The following KDM5A variants were observed in gnomAD, a reference collection of about 807,000 sequenced individuals.
KDM5A encodes lysine-specific demethylase 5A.
KDM5A carries 42 observed loss-of-function variants against 193.5 expected under a neutral mutation model. The observed-to-expected ratio is 0.22, with a 90% CI of 0.17 to 0.28. The LOEUF (loss-of-function observed/expected upper bound fraction) is 0.28. Ranked by LOEUF, KDM5A falls within the 10% of genes least tolerant of loss-of-function variation. KDM5A has a pLI of 1.00. For synonymous variants in KDM5A, 796 were observed against 718.1 expected, an observed-to-expected ratio of 1.11 and a Z score of -1.73; for missense variants, 1,692 against 2,055.1, an observed-to-expected ratio of 0.82 and a Z score of 3.42.
In KDM5A at chr12:350,601, A is replaced by G. The variant is rs181641485; in HGVS notation, c.1308+20T>C. On this transcript the variant is annotated intron_variant, in intron 10 of 27. Transcript: ENST00000399788. ...GCTAAATCAGCTTGGGGGTAAGCAA[A>G]AGTTTGGATAAATCTGCACCTCTTC... 2.5e-6 allele frequency: 4 copies of G among 1,613,832 alleles called. No individual in the cohort carries two copies. In the Admixed American group the frequency reaches 6.7e-5, roughly 27 times the overall value.
intron 24 of KDM5A, among the ~76,000 whole-genome samples, chr12:304,889 A>G (rs1943486134): frequency 6.6e-6 from 1 of 152,214 alleles, no homozygotes; most frequent in Admixed American, 6.5e-5. Context: ...AAGGCCTCTA[A>G]CTAGGGTAAA....
intron 24 of KDM5A, among the ~76,000 whole-genome samples, chr12:303,756 A>T (rs1390200465): frequency 6.7e-6 from 1 of 150,126 alleles, no homozygotes; most frequent in Non-Finnish European, 1.5e-5. Flanking sequence ...TAGATGTGAC[A>T]GCCTAAGGAC....
At chr12:289,341 A>C (rs1190180829) in intron 27 of KDM5A, among the ~76,000 whole-genome samples, 1 of 152,164 alleles carries the variant, frequency 6.6e-6, no homozygotes, top group Non-Finnish European at 1.5e-5. Context: ...TTCAGAGACA[A>C]AAAGATTCTG....
In KDM5A at chr12:334,547, T is replaced by G. The variant is rs141679032; in HGVS notation, c.1309-125A>C. On this transcript the variant is annotated intron_variant, in intron 10 of 27. Transcript: ENST00000399788. ...ATAATAGTCTAGTGCATACAATCTG[T>G]GCTCTTTGCTATCCACTACATGTAA... 7.8e-4 allele frequency: 548 copies of G among 704,344 alleles called. 9 individuals carry two copies. The East Asian group carries it at 0.015, about 19-fold the overall frequency. 43.6% of individuals were successfully genotyped at this position (704,344 alleles called of 1,614,324 possible). A position where few individuals can be genotyped will look rare whatever the true frequency, so the allele number is the denominator to read the frequency against.
intron 18 of KDM5A, among the ~76,000 whole-genome samples, chr12:319,676 A>T (rs10848716): frequency 0.3 from 44,842 of 151,790 alleles, 6,840 homozygotes; most frequent in East Asian, 0.51. Context: ...ATTGCTTGAG[A>T]CTGGGAAGCA....
chr12:284,886 T>C lies in KDM5A; in HGVS notation c.*570A>G, dbSNP rs1943199960. The C allele has an allele frequency of 4.2e-6, 1 of 236,446 alleles. No individual in the cohort carries two copies. Among genetic ancestry groups the C allele is most frequent in the Non-Finnish European group, 8.3e-6 (1 of 119,860 alleles). 14.6% of individuals were successfully genotyped at this position (236,446 alleles called of 1,614,324 possible). ...TTCTTCTAGCACAAACAAGCACAAA[T>C]CGCTGAGGTCAATAGACTGTGATAC... On this transcript the variant is annotated 3_prime_UTR_variant, in exon 28 of 28. Coordinates refer to ENST00000399788, the MANE Select transcript of KDM5A (RefSeq NM_001042603.3).
In KDM5A at chr12:380,732, A is replaced by T. The variant is rs533920533; in HGVS notation, c.366+3299T>A. Among the ~76,000 whole-genome samples, 10 of 152,176 alleles carry T rather than the reference A, an allele frequency of 6.6e-5. No individual in the cohort carries two copies. The South Asian group carries it at 8.3e-4, about 13-fold the overall frequency. On this transcript the variant is annotated intron_variant, in intron 3 of 27. Transcript: ENST00000399788. ...AGTGAGACTCTGTCTAAAAAAAAAA[A>T]GTAGAAAGAGCTTCATTAAAGAGTA...
intron 10 of KDM5A, among the ~76,000 whole-genome samples, chr12:341,604 A>G (rs1385881397): frequency 1.3e-5 from 2 of 152,200 alleles, no homozygotes; most frequent in African/African-American, 4.8e-5. Context: ...CCAAAAGGCC[A>G]TAATAGAGAA....
intron 19 of KDM5A, among the ~76,000 whole-genome samples, chr12:314,446 C>A (rs1435916308): frequency 1.3e-5 from 2 of 152,182 alleles, no homozygotes; most frequent in Non-Finnish European, 2.9e-5. Flanking sequence ...TCTCCTGCCT[C>A]AGCCTCCCAA....
chr12:342,937 G>A (rs1311714884), intron 10 of KDM5A, among the ~76,000 whole-genome samples: 1 of 152,176 alleles, frequency 6.6e-6, no homozygotes, highest in Non-Finnish European at 1.5e-5. Context: ...GACAGTGGGT[G>A]CAGCCCACAG....
intron 27 of KDM5A, 106 bp downstream of exon 27, chr12:292,653 C>A (rs1034347638): frequency 3.5e-6 from 5 of 1,433,678 alleles, no homozygotes; most frequent in Non-Finnish European, 2.9e-6. Context: ...TGTTGGAAGT[C>A]CAAATCCTAG....
chr12:313,670 T>TC (rs1307145388), intron 19 of KDM5A, among the ~76,000 whole-genome samples: 1 of 152,188 alleles, frequency 6.6e-6, no homozygotes, highest in East Asian at 1.9e-4. Flanking sequence ...ACTACATTCA[T>TC]TAACATTAGT....
At chr12:297,606 A>G (rs531654101) in intron 24 of KDM5A, among the ~76,000 whole-genome samples, 1 of 152,322 alleles carries the variant, frequency 6.6e-6, no homozygotes, top group Admixed American at 6.5e-5. Flanking sequence ...ACCAGGGCCC[A>G]CTTAAGATAA....
rs759429589 is a variant in KDM5A at position 329,029 on chromosome 12, A to G, written c.1774T>C (p.Leu592=). The change falls in exon 14 of 28, where the codon TTG becomes CTG. Residue 592 remains leucine (L), a splice_region_variant and synonymous_variant. Coordinates refer to ENST00000399788, the MANE Select transcript of KDM5A (RefSeq NM_001042603.3). ...TTTACACATTGACGTCCAATGGGCA[A>G]CTGAAAATGAGATTTCCAAATTAAA... ...EAVNFCTADW[L]PIGRQCVNHY... is the part of the protein sequence containing the mutation. The G allele has an allele frequency of 6.2e-7, 1 of 1,613,924 alleles. No individual in the cohort carries two copies. Among genetic ancestry groups the G allele is most frequent in the South Asian group, 1.1e-5 (1 of 91,078 alleles).
chr12:323,206 T>G lies in KDM5A; in HGVS notation c.2151A>C (p.Arg717Ser). ...GGAGGTCTTCTAATGGGTAGCGATA[T>G]CTACAAAAAAAAAAAAAAAAAAAAA... ...CPCPMQKKCLRYRYPLEDLPS... is the reference protein window; with the variant it reads ...CPCPMQKKCLSYRYPLEDLPS... Residue 717 changes from arginine to serine, a missense_variant and splice_region_variant, in exon 16 of 28, where the codon AGA becomes AGC. This residue lies in a region of KDM5A where 88 missense variants were observed against 124.6 expected (regional missense o/e 0.71). Transcript: ENST00000399788. The G allele has an allele frequency of 8.7e-6, 2 of 229,996 alleles. No homozygotes were observed. Among genetic ancestry groups the G allele is most frequent in the Non-Finnish European group, 1.5e-5 (2 of 134,108 alleles). 14.2% of individuals were successfully genotyped at this position (229,996 alleles called of 1,614,324 possible). A position where few individuals can be genotyped will look rare whatever the true frequency, so the allele number is the denominator to read the frequency against.
intron 9 of KDM5A, among the ~76,000 whole-genome samples, chr12:351,997 G>T (rs1380800471): frequency 6.6e-6 from 1 of 150,764 alleles, no homozygotes; most frequent in Non-Finnish European, 1.5e-5. Flanking sequence ...CCAGCTACTC[G>T]GGAGGCTGAG....
chr12:295,261 AGG>A (rs1943353915), intron 26 of KDM5A, among the ~76,000 whole-genome samples: 2 of 120,748 alleles, frequency 1.7e-5, no homozygotes, highest in African/African-American at 3.0e-5. Flanking sequence ...GAAAGGAGAA[AGG>A]GGAAGGAAAA....
At chr12:302,789 T>C (rs933605038) in intron 24 of KDM5A, among the ~76,000 whole-genome samples, 4 of 152,092 alleles carry the variant, frequency 2.6e-5, no homozygotes, top group Admixed American at 2.6e-4. Context: ...AGGGCTAATA[T>C]CCAGAATCTA....
rs1053765971 is a variant in KDM5A at position 318,114 on chromosome 12, T to C, written c.2889A>G (p.Leu963=). 1.5e-5 allele frequency: 24 copies of C among 1,613,824 alleles called. No homozygotes were observed. Among genetic ancestry groups the C allele is most frequent in the Admixed American group, 3.3e-5 (2 of 60,012 alleles). ...CACCAAAATGTGTTCACCTTGCCTG[T>C]AGGCAGACCTTAGCCTTTTCTTCCC... The part of the protein sequence containing the change: ...ERWEEKAKVC[L]QARPRHSVAS... Residue 963 remains leucine (L), a synonymous_variant, in exon 19 of 28, where the codon CTA becomes CTG. Coordinates refer to ENST00000399788, the MANE Select transcript of KDM5A (RefSeq NM_001042603.3).
Sources: allele counts gnomAD v4.1 joint callset (sites outside exome capture counted in the v4.1 genomes callset), GRCh38; gene constraint gnomAD v4.1.1; regional missense constraint gnomAD v4.1.1; transcripts MANE v1.5; gene names NCBI Gene and HGNC (gene_info 2026-07-23, HGNC 2026-07-21).